The following GPR39 variants were observed in gnomAD, a reference collection of about 807,000 sequenced individuals.
The protein encoded by GPR39 is zinc sensing receptor.
In GPR39, 23 loss-of-function variants were observed where a neutral mutation model predicts 18.4. That is an observed-to-expected ratio of 1.25 (90% CI 0.90 to 1.77). The LOEUF (loss-of-function observed/expected upper bound fraction) is 1.77, where lower values mean the gene tolerates loss of function less well. Ranked by LOEUF, GPR39 falls within the 40% of genes most tolerant of loss-of-function variation. GPR39 has a pLI of 0.00. For synonymous variants in GPR39, 280 were observed against 257.9 expected (o/e 1.09, Z -0.82); for missense variants, 647 against 602.4 (o/e 1.07, Z -0.78).
At chr2:132,552,816 GTGTA>G (rs1680067277) in intron 1 of GPR39, among the ~76,000 whole-genome samples, 1 of 134,832 alleles carries the variant, frequency 7.4e-6, no homozygotes. Context: ...GTGTGTGTGT[GTGTA>G]TGTATATATA....
rs1019463190 is a variant in GPR39 at position 132,645,410 on chromosome 2, A to C, written c.1166A>C (p.Gln389Pro). 1 of 1,613,608 alleles carries C rather than the reference A, an allele frequency of 6.2e-7. No individual in the cohort carries two copies. Among genetic ancestry groups the C allele is most frequent in the South Asian group, 1.1e-5 (1 of 91,056 alleles). ...ACCACCGACAGCGCCCGCTTTGTGCAGCGCCCGTTGCTCTTCGCGTCCCGG... is the reference window on the plus strand; with the variant it reads ...ACCACCGACAGCGCCCGCTTTGTGCCGCGCCCGTTGCTCTTCGCGTCCCGG... Reference protein sequence around the residue: ...HSTTDSARFVQRPLLFASRRQ... With the variant: ...HSTTDSARFVPRPLLFASRRQ... The change falls in exon 2 of 2, where the codon CAG becomes CCG. Residue 389 changes from glutamine (Q) to proline (P), a missense_variant. Gln to Pro is a moderately conservative substitution (Grantham distance 76). Transcript: ENST00000329321.
At chr2:132,424,263 A>G (rs979491758) in intron 1 of GPR39, among the ~76,000 whole-genome samples, 2 of 152,238 alleles carry the variant, frequency 1.3e-5, no homozygotes, top group Non-Finnish European at 2.9e-5. Context: ...ATTTCTTAGC[A>G]GGCTCTTTCA....
intron 1 of GPR39, among the ~76,000 whole-genome samples, chr2:132,640,161 G>T (rs906445342): frequency 6.6e-6 from 1 of 152,148 alleles, no homozygotes; most frequent in Non-Finnish European, 1.5e-5. Flanking sequence ...TGACTTTAAA[G>T]GTTAGAGGGG....
rs1416054966 is a variant in GPR39, at chr2:132,451,152, TG to T, written c.856+33255del. Among the ~76,000 whole-genome samples the T allele has an allele frequency of 9.8e-4, 122 of 124,154 alleles. 2 individuals are homozygous for T. In the East Asian group the frequency reaches 0.021, roughly 22 times the overall value. The allele number at this position is 124,154 out of a possible 152,430, so 81.4% of individuals were successfully genotyped here. Reference sequence around the variant, plus strand: ...AGCCATTGCTATCTTTGAGGCTGTGTGTGTGTGTGTGTGTGTGTGTGTGCAC... The same window carrying T: ...AGCCATTGCTATCTTTGAGGCTGTGTTGTGTGTGTGTGTGTGTGTGTGCAC... On this transcript the variant is annotated intron_variant, in intron 1 of 1. Coordinates refer to ENST00000329321, the MANE Select transcript of GPR39 (RefSeq NM_001508.3).
At chr2:132,639,422 C>A (rs73955765) in intron 1 of GPR39, among the ~76,000 whole-genome samples, 1 of 152,148 alleles carries the variant, frequency 6.6e-6, no homozygotes, top group Non-Finnish European at 1.5e-5. Flanking sequence ...CATCAACATA[C>A]CCCTGCACCC....
At chr2:132,442,526 A>T (rs183483208) in intron 1 of GPR39, among the ~76,000 whole-genome samples, 9 of 152,266 alleles carry the variant, frequency 5.9e-5, no homozygotes, top group Admixed American at 2.0e-4. Flanking sequence ...CGTCCTTGAA[A>T]CAGAAGGTGG....
At chr2:132,550,132 A>G (rs1477094455) in intron 1 of GPR39, among the ~76,000 whole-genome samples, 1 of 152,240 alleles carries the variant, frequency 6.6e-6, no homozygotes, top group Non-Finnish European at 1.5e-5. Context: ...AGCCCGGACA[A>G]TGAATATGCA....
chr2:132,610,233 T>C (rs895477480), intron 1 of GPR39, among the ~76,000 whole-genome samples: 1 of 152,130 alleles, frequency 6.6e-6, no homozygotes, highest in Non-Finnish European at 1.5e-5. Context: ...GTTTGTTCTT[T>C]TGTTCAATGC....
intron 1 of GPR39, among the ~76,000 whole-genome samples, chr2:132,585,948 GTTTTT>G (rs397985921): frequency 2.2e-4 from 14 of 62,958 alleles, no homozygotes; most frequent in East Asian, 7.1e-4. Context: ...AGCATCCCCG[GTTTTT>G]TTTTTTTTTT....
At chr2:132,590,654 G>C (rs1047498481) in intron 1 of GPR39, among the ~76,000 whole-genome samples, 1 of 152,096 alleles carries the variant, frequency 6.6e-6, no homozygotes, top group Non-Finnish European at 1.5e-5. Context: ...CTTTAACAGT[G>C]GCACTCAAGC....
chr2:132,578,128 T>C (rs942992566), intron 1 of GPR39, among the ~76,000 whole-genome samples: 1 of 149,832 alleles, frequency 6.7e-6, no homozygotes, highest in African/African-American at 2.5e-5. Flanking sequence ...TCTGTAGCAA[T>C]TGATATGATC....
chr2:132,498,451 A>G (rs1318805320), intron 1 of GPR39, among the ~76,000 whole-genome samples: 1 of 152,104 alleles, frequency 6.6e-6, no homozygotes, highest in African/African-American at 2.4e-5. Flanking sequence ...GTATTTATAT[A>G]CCACATTTTC....
chr2:132,607,184 G>T (rs890854887), intron 1 of GPR39, among the ~76,000 whole-genome samples: 1 of 152,110 alleles, frequency 6.6e-6, no homozygotes, highest in Non-Finnish European at 1.5e-5. Context: ...GCCTGCTCTG[G>T]CATATTTCAG....
At chr2:132,504,158 G>C (rs1219301126) in intron 1 of GPR39, among the ~76,000 whole-genome samples, 1 of 151,916 alleles carries the variant, frequency 6.6e-6, no homozygotes, top group African/African-American at 2.4e-5. Context: ...TGGAGCAAAT[G>C]TTCACATTGT....
chr2:132,588,243 A>G (rs1680766575), intron 1 of GPR39, among the ~76,000 whole-genome samples: 1 of 152,182 alleles, frequency 6.6e-6, no homozygotes, highest in Non-Finnish European at 1.5e-5. Context: ...CCCTTTAGTG[A>G]GAGGGAGGTT....
At chr2:132,615,083 T>A (rs223) in intron 1 of GPR39, among the ~76,000 whole-genome samples, 50,841 of 151,988 alleles carry the variant, frequency 0.33, 9,324 homozygotes, top group East Asian at 0.45. Flanking sequence ...TGTGTCTTGG[T>A]TGCTTTGCTG....
chr2:132,417,482 C>T lies in GPR39; in HGVS notation c.440C>T (p.Ser147Leu), dbSNP rs773374872. ...ICHPFRYKAV[S>L]GPCQVKLLIG... ...CACCCCTTCAGGTACAAGGCTGTGT[C>T]GGGACCTTGCCAGGTGAAGCTGCTG... The change falls in exon 1 of 2, where the codon TCG (serine) becomes TTG (leucine). Residue 147 changes from serine to leucine, a missense_variant. Ser to Leu is a moderately radical substitution (Grantham distance 145). Coordinates refer to ENST00000329321, the MANE Select transcript of GPR39 (RefSeq NM_001508.3). 1.1e-5 allele frequency: 18 copies of T among 1,614,032 alleles called. No homozygotes were observed. Among genetic ancestry groups the T allele is most frequent in the South Asian group, 4.4e-5 (4 of 91,078 alleles).
At chr2:132,519,424 G>T (rs1485560595) in intron 1 of GPR39, among the ~76,000 whole-genome samples, 1 of 152,166 alleles carries the variant, frequency 6.6e-6, no homozygotes, top group Non-Finnish European at 1.5e-5. Flanking sequence ...AAGCCATTGA[G>T]TGTTTCATCT....
intron 1 of GPR39, among the ~76,000 whole-genome samples, chr2:132,642,844 G>T (rs1681880438): frequency 6.6e-6 from 1 of 151,720 alleles, no homozygotes; most frequent in Non-Finnish European, 1.5e-5. Context: ...GAAGATGGTT[G>T]TACATGTTCT....
Sources: allele counts gnomAD v4.1 joint callset (sites outside exome capture counted in the v4.1 genomes callset), GRCh38; gene constraint gnomAD v4.1.1; transcripts MANE v1.5; gene names NCBI Gene and HGNC (gene_info 2026-07-23, HGNC 2026-07-21).